Variants in NRP2 observed in about 807,000 individuals in gnomAD.
NRP2 encodes the protein neuropilin-2.
NRP2 carries 52 observed loss-of-function variants against 110.4 expected under a neutral mutation model. That is an observed-to-expected ratio of 0.47 (90% CI 0.38 to 0.59). The LOEUF is 0.59. Ranked by LOEUF, NRP2 falls within the 20% of genes least tolerant of loss-of-function variation. The probability of loss-of-function intolerance (pLI) is 0.00; values close to 1 mark genes in which losing one functional copy is unlikely to be tolerated. For synonymous variants in NRP2, 508 were observed against 468.9 expected (o/e 1.08, Z -1.08); for missense variants, 1,049 against 1,203.0 (o/e 0.87, Z 1.89).
chr2:205,781,306 C>T (rs1239957259), intron 15 of NRP2, among the ~76,000 whole-genome samples: 1 of 152,228 alleles, frequency 6.6e-6, no homozygotes. Flanking sequence ...TGTGGCATTT[C>T]TTATGTAGCC....
chr2:205,700,583 C>T (rs2056531871), intron 2 of NRP2: 2 of 383,724 alleles, frequency 5.2e-6, no homozygotes, highest in East Asian at 7.2e-5. Flanking sequence ...TGGGCTGTGG[C>T]CCCTGGGCCC....
chr2:205,787,967 A>G (rs921620671), intron 15 of NRP2, among the ~76,000 whole-genome samples: 3 of 152,132 alleles, frequency 2.0e-5, no homozygotes, highest in Non-Finnish European at 4.4e-5. Flanking sequence ...GTGACTGGAT[A>G]TGGCGTTCAC....
chr2:205,710,893 T>G (rs578007863), intron 2 of NRP2, among the ~76,000 whole-genome samples: 10 of 152,252 alleles, frequency 6.6e-5, no homozygotes, highest in Non-Finnish European at 1.2e-4. Context: ...TTTGAAAGTG[T>G]GAGAAAAATC....
At position 205,745,696 on chromosome 2, in the gene NRP2, T is replaced by A. The variant is rs1289888102; in HGVS notation, c.1642-50T>A. ...AGGGGAAGGAAAGGGAAGAAGGTGATAGGGACTGGGTCCCACACCAGAAGG... is the reference window on the plus strand; with the variant it reads ...AGGGGAAGGAAAGGGAAGAAGGTGAAAGGGACTGGGTCCCACACCAGAAGG... On this transcript the variant is annotated intron_variant, in intron 9 of 16. Transcript: ENST00000357785. 1.9e-6 allele frequency: 3 copies of A among 1,611,114 alleles called. No homozygotes were observed. The South Asian group carries it at 3.3e-5, about 18-fold the overall frequency.
intron 15 of NRP2, among the ~76,000 whole-genome samples, chr2:205,771,371 G>T (rs142446432): frequency 1.5e-3 from 226 of 152,230 alleles, no homozygotes; most frequent in African/African-American, 5.4e-3. Flanking sequence ...AACCTTTTTC[G>T]TTTGTTTAAT....
chr2:205,694,467 T>A (rs1035469016), intron 1 of NRP2, among the ~76,000 whole-genome samples: 4 of 152,218 alleles, frequency 2.6e-5, no homozygotes, highest in Non-Finnish European at 5.9e-5. Flanking sequence ...CTTCGGGTGA[T>A]GAATTTGCCC....
At chr2:205,762,287 C>G (rs2057836192) in intron 12 of NRP2, 1 of 152,234 alleles carries the variant, frequency 6.6e-6, no homozygotes, top group Non-Finnish European at 1.5e-5. Flanking sequence ...CAGGAAGGAG[C>G]TTAGGGGAGC....
At chr2:205,767,110 G>C (rs1051430937) in intron 15 of NRP2, 1 of 466,996 alleles carries the variant, frequency 2.1e-6, no homozygotes, top group African/African-American at 2.0e-5. Context: ...AAATGCAGGG[G>C]TGGTGAGAAA....
At chr2:205,785,514 G>A (rs766054117) in intron 15 of NRP2, among the ~76,000 whole-genome samples, 13 of 152,206 alleles carry the variant, frequency 8.5e-5, no homozygotes, top group African/African-American at 2.9e-4. Flanking sequence ...CCAATTGCTT[G>A]TTCACATATC....
At chr2:205,727,020 C>T (rs190886196) in intron 6 of NRP2, among the ~76,000 whole-genome samples, 4 of 152,370 alleles carry the variant, frequency 2.6e-5, no homozygotes, top group Admixed American at 2.0e-4. Context: ...TTCTGTATAA[C>T]TGGCATCCCC....
Position 205,743,280 on chromosome 2 carries a change from G to C in NRP2, c.1369G>C (p.Glu457Gln). 2 of 1,614,112 alleles carry C rather than the reference G, an allele frequency of 1.2e-6. No homozygotes were observed. Among genetic ancestry groups the C allele is most frequent in the Non-Finnish European group, 8.5e-7 (1 of 1,180,006 alleles). The change falls in exon 9 of 17, where the codon GAA (glutamate) becomes CAA (glutamine). Residue 457 changes from glutamate to glutamine, a missense_variant. Transcript: ENST00000357785. ...CCAGATCTCCGCCTCTTCCACCCAG[G>C]AATACCTCTGGAGCCCCAGTGCAGC... ...DSQISASSTQ[E>Q]YLWSPSAARL... is the part of the protein sequence containing the mutation.
chr2:205,792,702 GGGA>G (rs1254416773), intron 16 of NRP2, among the ~76,000 whole-genome samples: 5 of 152,124 alleles, frequency 3.3e-5, no homozygotes, highest in Non-Finnish European at 7.4e-5. Context: ...CCTGGCTTGG[GGGA>G]AACCTTCCTC....
intron 9 of NRP2, among the ~76,000 whole-genome samples, chr2:205,744,039 C>T (rs1020233277): frequency 3.9e-5 from 6 of 152,138 alleles, no homozygotes; most frequent in African/African-American, 1.2e-4. Context: ...CCACCGCGCC[C>T]GGCCTGGACT....
rs1359534050 is a variant in NRP2 at position 205,723,781 on chromosome 2, C to A, written c.665-4C>A. The A allele has an allele frequency of 6.2e-7, 1 of 1,614,084 alleles. No individual in the cohort carries two copies. Reference sequence around the variant, plus strand: ...ACTGACTTCTCTTTGTCTTGAATGTCCAGTTGGCCCCCTGATTGGCAAGTA... The same window carrying A: ...ACTGACTTCTCTTTGTCTTGAATGTACAGTTGGCCCCCTGATTGGCAAGTA... On this transcript the variant is annotated splice_polypyrimidine_tract_variant and splice_region_variant and intron_variant, in intron 4 of 16. Transcript: ENST00000357785.
chr2:205,758,161 G>C (rs2057763428), intron 12 of NRP2, among the ~76,000 whole-genome samples: 1 of 152,192 alleles, frequency 6.6e-6, no homozygotes, highest in East Asian at 1.9e-4. Flanking sequence ...CTAATTTGAG[G>C]ACCTTAGCAG....
chr2:205,694,304 T>C (rs2056377278), intron 1 of NRP2, among the ~76,000 whole-genome samples: 1 of 152,210 alleles, frequency 6.6e-6, no homozygotes, highest in Admixed American at 6.5e-5. Context: ...CAGAACTTAG[T>C]GTTCTCTTTA....
At chr2:205,772,996 CATCCGTCCATTT>C (rs1275185397) in intron 15 of NRP2, among the ~76,000 whole-genome samples, 1 of 152,228 alleles carries the variant, frequency 6.6e-6, no homozygotes, top group African/African-American at 2.4e-5. Context: ...TCCCCTATGC[CATCCGTCCATTT>C]ATCCATCCAC....
At chr2:205,783,321 C>G (rs1365018557) in intron 15 of NRP2, among the ~76,000 whole-genome samples, 1 of 152,196 alleles carries the variant, frequency 6.6e-6, no homozygotes, top group Non-Finnish European at 1.5e-5. Context: ...CTGGGTTCAT[C>G]AGGCAGAGTC....
At chr2:205,756,022 CT>C (rs1330469672) in intron 12 of NRP2, among the ~76,000 whole-genome samples, 1 of 151,336 alleles carries the variant, frequency 6.6e-6, no homozygotes, top group East Asian at 1.9e-4. Flanking sequence ...TTTTTTTTTC[CT>C]TTCCTTTTCC....
Sources: gnomAD v4.1 joint callset for allele counts (sites outside exome capture counted in the v4.1 genomes callset) on GRCh38, gnomAD v4.1.1 for gene constraint, MANE v1.5 for transcripts, NCBI Gene and HGNC (gene_info 2026-07-23, HGNC 2026-07-21) for gene names.